The following MYT1L variants were observed in gnomAD, a reference collection of about 807,000 sequenced individuals.
MYT1L encodes the protein myelin transcription factor 1-like protein.
Under a neutral mutation model 126.7 loss-of-function variants are expected in MYT1L, and 12 were observed. That is an observed-to-expected ratio of 0.09 (90% CI 0.06 to 0.15). The LOEUF (loss-of-function observed/expected upper bound fraction) is 0.15. Among genes scored for constraint, MYT1L ranks in the 10% least tolerant of loss-of-function variants. The pLI is 1.00. For synonymous variants in MYT1L, 541 were observed against 604.2 expected, an observed-to-expected ratio of 0.90 and a Z score of 1.53; for missense variants, 979 against 1,585.2, an observed-to-expected ratio of 0.62 and a Z score of 6.49.
intron 3 of MYT1L, among the ~76,000 whole-genome samples, chr2:2,120,464 A>T (rs752575583): frequency 6.6e-6 from 1 of 152,050 alleles, no homozygotes; most frequent in Non-Finnish European, 1.5e-5. Flanking sequence ...CTTCCTATTA[A>T]GGCCTTTTTT....
intron 5 of MYT1L, among the ~76,000 whole-genome samples, chr2:1,980,879 G>A (rs2060557053): frequency 6.6e-6 from 1 of 152,120 alleles, no homozygotes; most frequent in African/African-American, 2.4e-5. Context: ...TACTCAAGAC[G>A]ACGGGGGAGC....
chr2:1,988,031 C>G (rs1296594739), intron 5 of MYT1L, among the ~76,000 whole-genome samples: 2 of 152,220 alleles, frequency 1.3e-5, no homozygotes, highest in Non-Finnish European at 2.9e-5. Context: ...GAAAGTTGCT[C>G]CAAACAAGTT....
At chr2:1,884,610 C>A (rs1340641413) in intron 18 of MYT1L, among the ~76,000 whole-genome samples, 1 of 152,184 alleles carries the variant, frequency 6.6e-6, no homozygotes, top group Non-Finnish European at 1.5e-5. Flanking sequence ...TTTTGAAGAT[C>A]CATTCATAGA....
chr2:1,819,917 A>C (rs935368901), intron 21 of MYT1L, among the ~76,000 whole-genome samples: 6 of 152,324 alleles, frequency 3.9e-5, no homozygotes, highest in African/African-American at 1.4e-4. Context: ...TTTAGCTTCT[A>C]GGCAATGACA....
At chr2:1,815,819 G>T (rs1210912492) in intron 21 of MYT1L, among the ~76,000 whole-genome samples, 1 of 152,168 alleles carries the variant, frequency 6.6e-6, no homozygotes, top group Non-Finnish European at 1.5e-5. Flanking sequence ...ATTATTTTTT[G>T]TCTCTTCTTA....
intron 3 of MYT1L, among the ~76,000 whole-genome samples, chr2:2,120,322 C>T (rs561327944): frequency 6.8e-4 from 104 of 152,214 alleles, no homozygotes; most frequent in African/African-American, 2.4e-3. Context: ...GGATGAACGT[C>T]ATCTGCCTGG....
chr2:1,899,417 C>T (rs995750293), intron 14 of MYT1L, among the ~76,000 whole-genome samples: 1 of 152,240 alleles, frequency 6.6e-6, no homozygotes, highest in Non-Finnish European at 1.5e-5. Context: ...ATTCTTAGCT[C>T]ACCATGCAAA....
chr2:2,179,351 C>T (rs970198078), intron 2 of MYT1L, among the ~76,000 whole-genome samples: 1 of 152,220 alleles, frequency 6.6e-6, no homozygotes, highest in Non-Finnish European at 1.5e-5. Flanking sequence ...GGCTCAGATA[C>T]TGAGTTCTGA....
At chr2:2,064,733 GAC>G (rs1290708809) in intron 3 of MYT1L, among the ~76,000 whole-genome samples, 3 of 152,102 alleles carry the variant, frequency 2.0e-5, no homozygotes, top group Non-Finnish European at 4.4e-5. Flanking sequence ...TGTAGAAAAA[GAC>G]AGATATTTCT....
At chr2:1,898,494 GCT>G (rs1246484926) in intron 14 of MYT1L, among the ~76,000 whole-genome samples, 1 of 152,214 alleles carries the variant, frequency 6.6e-6, no homozygotes, top group Non-Finnish European at 1.5e-5. Flanking sequence ...CAGGTTTCAG[GCT>G]CTCTTTTCCT....
Position 2,205,521 on chromosome 2 carries a change from A to T in MYT1L, c.-420-32533T>A, listed in dbSNP as rs574314859. Reference sequence around the variant, plus strand: ...ATGTAATAATGCATATAATGTAGTCAGGGGAACATCCAAACTCAATCATAC... The same window carrying T: ...ATGTAATAATGCATATAATGTAGTCTGGGGAACATCCAAACTCAATCATAC... On this transcript the variant is annotated intron_variant, in intron 2 of 24. Coordinates refer to ENST00000647738, the MANE Select transcript of MYT1L (RefSeq NM_001303052.2). Among the ~76,000 whole-genome samples the T allele has an allele frequency of 4.3e-4, 65 of 152,356 alleles. 1 individual carries two copies. The South Asian group carries it at 0.011, about 26-fold the overall frequency.
At chr2:2,267,752 C>T (rs1376357336) in intron 2 of MYT1L, among the ~76,000 whole-genome samples, 3 of 152,140 alleles carry the variant, frequency 2.0e-5, no homozygotes, top group Non-Finnish European at 4.4e-5. Flanking sequence ...GAGAAATATC[C>T]TGCAAGGAGG....
At chr2:2,005,971 C>A (rs188655448) in intron 4 of MYT1L, among the ~76,000 whole-genome samples, 24 of 151,062 alleles carry the variant, frequency 1.6e-4, no homozygotes, top group Admixed American at 1.5e-3. Context: ...TTCTTTCCTG[C>A]AGGTGTTCTT....
intron 18 of MYT1L, among the ~76,000 whole-genome samples, chr2:1,867,371 C>A (rs751113113): frequency 1.2e-4 from 18 of 152,172 alleles, no homozygotes; most frequent in African/African-American, 4.3e-4. Context: ...GCTCTCACCC[C>A]GGTGCCCCAC....
intron 3 of MYT1L, among the ~76,000 whole-genome samples, chr2:2,106,393 G>A (rs2078765561): frequency 6.6e-6 from 1 of 152,062 alleles, no homozygotes; most frequent in African/African-American, 2.4e-5. Flanking sequence ...ACTTGAGGGT[G>A]GATCACTTGA....
chr2:1,889,302 G>A lies in MYT1L; in HGVS notation c.2459C>T (p.Pro820Leu), dbSNP rs773399244. The A allele has an allele frequency of 6.2e-7, 1 of 1,613,866 alleles. No homozygotes were observed. Among genetic ancestry groups the A allele is most frequent in the South Asian group, 1.1e-5 (1 of 91,064 alleles). ...GGGTTTCATTTTGGTGTAGTCTACG[G>A]GCAAGTCCCAGCAGTCGCCCTCGCC... ...QLGEGDCWDL[P>L]VDYTKMKPRR... Residue 820 changes from proline to leucine, a missense_variant, in exon 16 of 25, where the codon CCC becomes CTC. Around this residue, in one of 12 missense-constraint regions of MYT1L, gnomAD observed 141 missense variants for 170.6 expected, o/e 0.83. Transcript: ENST00000647738. The surrounding 1 kb of genome is among the most constrained non-coding windows in gnomAD (Gnocchi z 4.1).
chr2:1,832,194 T>C (rs1368642405), intron 21 of MYT1L, among the ~76,000 whole-genome samples: 3 of 152,014 alleles, frequency 2.0e-5, no homozygotes, highest in Non-Finnish European at 4.4e-5. Context: ...AGAGTCCTTA[T>C]GAGAGGAGAT....
rs1383149176 is a variant in MYT1L at position 1,852,419 on chromosome 2, A to G, written c.2712-716T>C. ...ATGGGGACATACACTCATCTGCTGAAGCCTACCGAGGCAACCCCATCCCGT... is the reference window on the plus strand; with the variant it reads ...ATGGGGACATACACTCATCTGCTGAGGCCTACCGAGGCAACCCCATCCCGT... On this transcript the variant is annotated intron_variant, in intron 18 of 24. Transcript: ENST00000647738. This position sits in a 1 kb window ranked among gnomAD's most constrained non-coding sequence, Gnocchi z 4.0. Among the ~76,000 whole-genome samples, 1 of 152,206 alleles carries G rather than the reference A, an allele frequency of 6.6e-6. No individual in the cohort carries two copies. The highest frequency in any genetic ancestry group is 2.4e-5 in the African/African-American group (1 of 41,464).
intron 5 of MYT1L, among the ~76,000 whole-genome samples, chr2:1,987,095 G>A (rs2061090435): frequency 6.6e-6 from 1 of 152,172 alleles, no homozygotes; most frequent in Admixed American, 6.5e-5. Context: ...AAACTTGAAT[G>A]TGTTTCTTAT....
Sources: allele counts gnomAD v4.1 joint callset (sites outside exome capture counted in the v4.1 genomes callset), GRCh38; gene constraint gnomAD v4.1.1; regional missense constraint gnomAD v4.1.1; non-coding constraint Gnocchi (gnomAD v3.1); transcripts MANE v1.5; gene names NCBI Gene and HGNC (gene_info 2026-07-23, HGNC 2026-07-21).